BTD: variants seen among roughly 807,000 people sequenced by gnomAD.
The protein encoded by BTD is biocytinase.
In BTD, 13 loss-of-function variants were observed where a neutral mutation model predicts 17.7. The observed-to-expected ratio is 0.74, with a 90% CI of 0.48 to 1.17. The LOEUF is 1.17. Ranked by LOEUF, BTD falls within the 50% of genes most tolerant of loss-of-function variation. BTD has a pLI of 0.00. For synonymous variants in BTD, 240 were observed against 245.2 expected, an observed-to-expected ratio of 0.98 and a Z score of 0.20; for missense variants, 674 against 650.4, an observed-to-expected ratio of 1.04 and a Z score of -0.39.
intron 3 of BTD, among the ~76,000 whole-genome samples, chr3:15,682,024 T>TCA (rs1035997541): frequency 1.4e-4 from 21 of 152,168 alleles, no homozygotes; most frequent in African/African-American, 4.8e-4. Context: ...TAAGAGCCCC[T>TCA]CATTCTCCAG....
At chr3:15,716,542 C>T (rs1333333615), downstream of BTD, among the ~76,000 whole-genome samples, 3 of 151,956 alleles carry the variant, frequency 2.0e-5, no homozygotes, top group Non-Finnish European at 1.5e-5. Flanking sequence ...CCTTGGCTTC[C>T]CAAAGTGCTG....
rs1176681566 is a variant in BTD at position 15,645,435 on chromosome 3, T to C, written c.1519T>C (p.Ser507Pro). ...DHYFLRKSRL[S>P]SGLVTAALYG... ...CTATTTCCTGAGGAAAAGTAGGCTG[T>C]CCTCTGGGCTGGTGACGGCGGCTCT... is the stretch of plus-strand genomic sequence containing the variant. The change falls in exon 4 of 4, where the codon TCC becomes CCC. Residue 507 changes from serine to proline, a missense_variant. Coordinates refer to ENST00000643237, the MANE Select transcript of BTD (RefSeq NM_001370658.1). 6.2e-7 allele frequency: 1 copy of C among 1,613,436 alleles called. No individual in the cohort carries two copies. The highest frequency in any genetic ancestry group is 1.3e-5 in the African/African-American group (1 of 74,928).
At chr3:15,690,527 A>G (rs2068649402) in intron 3 of BTD, among the ~76,000 whole-genome samples, 1 of 152,176 alleles carries the variant, frequency 6.6e-6, no homozygotes. Flanking sequence ...GGATTCATTT[A>G]AAGTCTTGAT....
chr3:15,670,994 T>C (rs1042256150), intron 3 of BTD, among the ~76,000 whole-genome samples: 76 of 152,342 alleles, frequency 5.0e-4, no homozygotes, highest in African/African-American at 1.8e-3. Flanking sequence ...TAAGGAAACT[T>C]TTTGATGCTA....
At chr3:15,697,036 C>G (rs2069689306) in intron 3 of BTD, among the ~76,000 whole-genome samples, 1 of 152,080 alleles carries the variant, frequency 6.6e-6, no homozygotes, top group Non-Finnish European at 1.5e-5. Context: ...TGAAACAAGT[C>G]TATTTAGGCT....
intron 3 of BTD, among the ~76,000 whole-genome samples, chr3:15,689,248 C>T (rs2068503050): frequency 6.6e-6 from 1 of 152,136 alleles, no homozygotes; most frequent in Non-Finnish European, 1.5e-5. Flanking sequence ...GAGATAAGTC[C>T]AGGCTGTAGC....
At chr3:15,680,935 G>A (rs1337823948) in intron 3 of BTD, among the ~76,000 whole-genome samples, 1 of 152,160 alleles carries the variant, frequency 6.6e-6, no homozygotes, top group Non-Finnish European at 1.5e-5. Context: ...CTAAAATGCT[G>A]GGATTACAGG....
chr3:15,609,690 G>T (rs551332889), intron 1 of BTD, among the ~76,000 whole-genome samples: 153 of 152,190 alleles, frequency 1.0e-3, no homozygotes, highest in African/African-American at 3.6e-3. Flanking sequence ...TTGGCCATGC[G>T]TGTTTCTTTT....
rs2065820769 is a variant in BTD at position 15,652,492 on chromosome 3, G to A, written c.*7004G>A. ...CATGAGCGAGCCATGTTGGAAGTGG[G>A]TCCTCCAGCTGCAGTCAAGCTTCCA... On this transcript the variant is annotated 3_prime_UTR_variant, in exon 4 of 4. Coordinates refer to ENST00000643237, the MANE Select transcript of BTD (RefSeq NM_001370658.1). 2.0e-5 allele frequency among the ~76,000 whole-genome samples: 3 copies of A among 152,284 alleles called. No individual in the cohort carries two copies. Among genetic ancestry groups the A allele is most frequent in the African/African-American group, 7.2e-5 (3 of 41,568 alleles).
chr3:15,608,104 C>A (rs549894730), intron 1 of BTD, among the ~76,000 whole-genome samples: 1 of 152,210 alleles, frequency 6.6e-6, no homozygotes. Context: ...TGCCAGCTGA[C>A]AGACACTGGG....
chr3:15,657,878 T>C (rs563816136), downstream of BTD, among the ~76,000 whole-genome samples: 5 of 150,130 alleles, frequency 3.3e-5, no homozygotes, highest in Non-Finnish European at 5.9e-5. Context: ...GACAAAACAG[T>C]TGGAGGGGGC....
chr3:15,664,168 T>C (rs2065954724), intron 3 of BTD, among the ~76,000 whole-genome samples: 1 of 152,240 alleles, frequency 6.6e-6, no homozygotes, highest in Non-Finnish European at 1.5e-5. Flanking sequence ...CACAACTATG[T>C]CCTTACTGAT....
At chr3:15,689,204 C>A (rs965017338) in intron 3 of BTD, among the ~76,000 whole-genome samples, 3 of 152,178 alleles carry the variant, frequency 2.0e-5, no homozygotes, top group African/African-American at 7.2e-5. Flanking sequence ...TTTTTCAGCT[C>A]TTTGGGCCAC....
At chr3:15,720,056 G>A (rs1470632080) in intron 4 of BTD, among the ~76,000 whole-genome samples, 6 of 151,810 alleles carry the variant, frequency 4.0e-5, no homozygotes, top group Non-Finnish European at 8.8e-5. Context: ...TTTTTGTGGA[G>A]CCAGGTTATG....
At chr3:15,685,427 C>G in intron 3 of BTD, 1 of 1,614,000 alleles carries the variant, frequency 6.2e-7, no homozygotes, top group South Asian at 1.1e-5. Flanking sequence ...TCTACACATT[C>G]TTCATGGCCT....
chr3:15,632,362 G>T lies in BTD; in HGVS notation c.-16-3062G>T, dbSNP rs190162142. Among the ~76,000 whole-genome samples, 277 of 152,290 alleles carry T rather than the reference G, an allele frequency of 1.8e-3. 1 individual carries two copies. Among genetic ancestry groups the T allele is most frequent in the African/African-American group, 6.4e-3 (266 of 41,556 alleles). On this transcript the variant is annotated intron_variant, in intron 1 of 3. Coordinates refer to ENST00000643237, the MANE Select transcript of BTD (RefSeq NM_001370658.1). ...CTGGCCCACAGTTGGGAATTGCATG[G>T]CTGTCTGAAGCCAGCACCTTCCTGG...
intron 3 of BTD, among the ~76,000 whole-genome samples, chr3:15,688,880 G>A (rs1234374222): frequency 1.3e-5 from 2 of 152,164 alleles, no homozygotes; most frequent in African/African-American, 4.8e-5. Context: ...CTGCATAAAT[G>A]TTTAATGCAG....
chr3:15,608,462 C>A (rs1039212723), intron 1 of BTD, among the ~76,000 whole-genome samples: 1 of 152,116 alleles, frequency 6.6e-6, no homozygotes, highest in African/African-American at 2.4e-5. Context: ...AGATTTATCT[C>A]AAATGGCTTA....
intron 3 of BTD, among the ~76,000 whole-genome samples, chr3:15,706,593 G>A (rs945366021): frequency 3.9e-5 from 6 of 151,976 alleles, no homozygotes; most frequent in Admixed American, 2.0e-4. Flanking sequence ...ATAATCCTTT[G>A]GGTATATACC....
Sources: gnomAD v4.1 joint callset for allele counts (sites outside exome capture counted in the v4.1 genomes callset) on GRCh38, gnomAD v4.1.1 for gene constraint, MANE v1.5 for transcripts, NCBI Gene and HGNC (gene_info 2026-07-23, HGNC 2026-07-21) for gene names.